Variants in ADAM33 observed in about 807,000 individuals in gnomAD.
ADAM33 encodes the protein disintegrin and metalloproteinase domain-containing protein 33.
ADAM33 carries 103 observed loss-of-function variants against 106.2 expected under a neutral mutation model. The observed-to-expected ratio is 0.97, with a 90% CI of 0.83 to 1.14. The LOEUF (loss-of-function observed/expected upper bound fraction) is 1.14, where lower values mean the gene tolerates loss of function less well. Ranked by LOEUF, ADAM33 falls within the 50% of genes most tolerant of loss-of-function variation. The pLI is 0.00. For synonymous variants in ADAM33, 483 were observed against 453.0 expected, an observed-to-expected ratio of 1.07 and a Z score of -0.84; for missense variants, 1,120 against 1,096.6, an observed-to-expected ratio of 1.02 and a Z score of -0.30.
chr20:3,673,690 G>A (rs2087727907), intron 9 of ADAM33, 32 bp from the exon 10 acceptor site: 1 of 1,359,026 alleles, frequency 7.4e-7, no homozygotes, highest in South Asian at 1.8e-5. Flanking sequence ...ACCAGGCGGG[G>A]CCGGGAGGTG....
Position 3,669,001 on chromosome 20 carries a change from C to T in ADAM33, c.2405-1G>A, listed in dbSNP as rs1259182249. The T allele has an allele frequency of 1.9e-6, 3 of 1,613,964 alleles. No homozygotes were observed. The highest frequency in any genetic ancestry group is 2.2e-5 in the East Asian group (1 of 44,856). ...GATCTTGGCATCTGGACTTGATCTG[C>T]TGAGAATGAGGAGGATATGTTGTCC... On this transcript the variant is annotated splice_acceptor_variant, in intron 21 of 21. Coordinates refer to ENST00000356518, the MANE Select transcript of ADAM33 (RefSeq NM_025220.5). LOFTEE classifies it high-confidence loss of function.
intron 14 of ADAM33, 28 bp downstream of exon 14, chr20:3,672,106 G>C: frequency 1.0e-5 from 16 of 1,596,794 alleles, no homozygotes; most frequent in Non-Finnish European, 1.4e-5. Flanking sequence ...ATGGGGGGCA[G>C]GGTGCAAGGG....
chr20:3,671,994 G>A lies in ADAM33; in HGVS notation c.1598-9C>T, dbSNP rs1405618204. 1 of 1,554,066 alleles carries A rather than the reference G, an allele frequency of 6.4e-7. No homozygotes were observed. Among genetic ancestry groups the A allele is most frequent in the Non-Finnish European group, 8.7e-7 (1 of 1,148,840 alleles). ...GGGAGCTGGGTGGGAGCCTGAGGAA[G>A]CATGGGCCAGGCTGGGGGCAGCTCG... On this transcript the variant is annotated splice_polypyrimidine_tract_variant and intron_variant, in intron 14 of 21. Coordinates refer to ENST00000356518, the MANE Select transcript of ADAM33 (RefSeq NM_025220.5).
intron 4 of ADAM33, 44 bp downstream of exon 4, chr20:3,674,983 G>C (rs749519057): frequency 1.2e-6 from 2 of 1,612,606 alleles, no homozygotes; most frequent in East Asian, 2.2e-5. Flanking sequence ...ATGGTGGGGG[G>C]GTACCTCTGG....
In ADAM33 at chr20:3,671,700, T is replaced by TA. The variant is rs1343210410; in HGVS notation, c.1785dup (p.Thr596TyrfsTer39). ...ACTTCCTGGCCATCTAGGTGAACGG[T>TA]AGAGTCCACTGGCACCATGTGCGGT... On this transcript the variant is annotated frameshift_variant, in exon 16 of 22. Transcript: ENST00000356518. LOFTEE classifies it high-confidence loss of function. 6.3e-7 allele frequency: 1 copy of TA among 1,587,248 alleles called. No homozygotes were observed. Among genetic ancestry groups the TA allele is most frequent in the South Asian group, 1.1e-5 (1 of 87,382 alleles).
Position 3,674,532 on chromosome 20 carries a change from G to C in ADAM33, c.572C>G (p.Thr191Ser). 2 of 1,613,584 alleles carry C rather than the reference G, an allele frequency of 1.2e-6. No homozygotes were observed. Among genetic ancestry groups the C allele is most frequent in the Non-Finnish European group, 1.7e-6 (2 of 1,179,962 alleles). ...HRDPGNKAGMTSLPGGPQSRG... is the reference protein window; with the variant it reads ...HRDPGNKAGMSSLPGGPQSRG... ...GCTCTGGGGACCACCAGGAAGGCTG[G>C]TCATGCCCGCTTTGTTCCCAGGATC... The change falls in exon 6 of 22, where the codon ACC (threonine) becomes AGC (serine). Residue 191 changes from threonine to serine, a missense_variant. Thr to Ser is a moderately conservative substitution (Grantham distance 58). Transcript: ENST00000356518.
At position 3,672,850 on chromosome 20, in the gene ADAM33, G is replaced by A. The variant is rs772788790; in HGVS notation, c.1182C>T (p.Arg394=). 2 of 1,576,354 alleles carry A rather than the reference G, an allele frequency of 1.3e-6. No homozygotes were observed. Among genetic ancestry groups the A allele is most frequent in the Non-Finnish European group, 1.7e-6 (2 of 1,169,332 alleles). Reference sequence around the variant, plus strand: ...CGCCGCCCCCCTTGCGGAAGAAGGCGCGCAGCTGGCGGCGGCTGCAGGCGC... The same window carrying A: ...CGCCGCCCCCCTTGCGGAAGAAGGCACGCAGCTGGCGGCGGCTGCAGGCGC... ...VFSACSRRQL[R]AFFRKGGGAC... Residue 394 remains arginine (R), a synonymous_variant, in exon 12 of 22, where the codon CGC becomes CGT. Coordinates refer to ENST00000356518, the MANE Select transcript of ADAM33 (RefSeq NM_025220.5).
chr20:3,679,993 C>A (rs549168305), intron 1 of ADAM33, among the ~76,000 whole-genome samples: 8 of 152,256 alleles, frequency 5.3e-5, no homozygotes, highest in South Asian at 4.1e-4. Flanking sequence ...TTGTGCCCCC[C>A]CCATCATCTG....
Position 3,673,617 on chromosome 20 carries a change from A to ACGGGCGCCAGGCCCACTGTGGCGCC in ADAM33, c.922_946dup (p.Val316GlyfsTer39). On this transcript the variant is annotated frameshift_variant, in exon 10 of 22. Transcript: ENST00000356518. LOFTEE classifies it high-confidence loss of function. ...GCTCTCGGCGCGGCACATGCCCTCG[A>ACGGGCGCCAGGCCCACTGTGGCGCC]CGGGCGCCAGGCCCACTGTGGCGCC... 1.1e-5 allele frequency: 15 copies of ACGGGCGCCAGGCCCACTGTGGCGCC among 1,359,674 alleles called. No homozygotes were observed. Among genetic ancestry groups the ACGGGCGCCAGGCCCACTGTGGCGCC allele is most frequent in the Non-Finnish European group, 1.3e-5 (14 of 1,063,720 alleles). 84.2% of individuals were successfully genotyped at this position (1,359,674 alleles called of 1,614,324 possible).
rs1382280519 is a variant in ADAM33 at position 3,669,572 on chromosome 20, G to A, written c.2306C>T (p.Thr769Ile). ...GGVHPMELGP[T>I]ATGQPWPLDP... ...CAGGGGCCAGGGCTGTCCAGTGGCT[G>A]TGGGGCCCAACTCCATGGGGTGAAC... Residue 769 changes from threonine (T) to isoleucine (I), a missense_variant, in exon 20 of 22, where the codon ACA (threonine) becomes ATA (isoleucine). Coordinates refer to ENST00000356518, the MANE Select transcript of ADAM33 (RefSeq NM_025220.5). 2.5e-6 allele frequency: 4 copies of A among 1,600,026 alleles called. No homozygotes were observed. Among genetic ancestry groups the A allele is most frequent in the Non-Finnish European group, 3.4e-6 (4 of 1,174,324 alleles).
In ADAM33 at chr20:3,675,057, C is replaced by A. The variant is rs2087851444; in HGVS notation, c.303G>T (p.Gly101=). The change falls in exon 4 of 22, where the codon GGG becomes GGT. Residue 101 remains glycine (G), a synonymous_variant. Coordinates refer to ENST00000356518, the MANE Select transcript of ADAM33 (RefSeq NM_025220.5). The surrounding 1 kb of genome is among the most constrained non-coding windows in gnomAD (Gnocchi z 4.1). ...GGTTGGGGGCCAGCACCACTGGCTG[C>A]CCATCTGGGCCGTAGTGGGTTTCTA... ...GYIETHYGPD[G]QPVVLAPNHT... is the part of the protein sequence containing the mutation. The A allele has an allele frequency of 6.2e-7, 1 of 1,613,392 alleles. No individual in the cohort carries two copies. The highest frequency in any genetic ancestry group is 1.1e-5 in the South Asian group (1 of 90,786).
intron 13 of ADAM33, 45 bp from the exon 14 acceptor site, chr20:3,672,374 G>C (rs767934313): frequency 6.3e-7 from 1 of 1,599,970 alleles, no homozygotes. Flanking sequence ...GAGGCCACGT[G>C]CAGTGAGAGG....
At chr20:3,677,528 G>A (rs2088080847) in intron 2 of ADAM33, among the ~76,000 whole-genome samples, 1 of 152,174 alleles carries the variant, frequency 6.6e-6, no homozygotes, top group African/African-American at 2.4e-5. Context: ...TGGGGGCATC[G>A]GGTAGCCATG....
In ADAM33 at chr20:3,668,948, T is replaced by C; in HGVS notation, c.*15A>G. 6.2e-7 allele frequency: 1 copy of C among 1,613,668 alleles called. No individual in the cohort carries two copies. Among genetic ancestry groups the C allele is most frequent in the South Asian group, 1.1e-5 (1 of 91,048 alleles). On this transcript the variant is annotated 3_prime_UTR_variant, in exon 22 of 22. Coordinates refer to ENST00000356518, the MANE Select transcript of ADAM33 (RefSeq NM_025220.5). The stretch of plus-strand genomic sequence containing the variant: ...GCCACCTGTCTTTAAATCTGTTCAT[T>C]TTAGGAGCTACCTCTCACCAGAGGC...
intron 19 of ADAM33, 97 bp from the exon 20 acceptor site, chr20:3,669,734 T>C (rs1169050957): frequency 8.8e-7 from 1 of 1,135,642 alleles, no homozygotes; most frequent in Non-Finnish European, 1.3e-6. Context: ...GAGTTCTGCG[T>C]TTACTGAGTT....
Position 3,671,084 on chromosome 20 carries a change from G to T in ADAM33, c.2162C>A (p.Ala721Asp). 6.3e-7 allele frequency: 1 copy of T among 1,584,658 alleles called. No individual in the cohort carries two copies. The highest frequency in any genetic ancestry group is 1.8e-5 in the Admixed American group (1 of 55,194). ...LLPLLPGAGL[A>D]WCCYRLPGAH... ...TCCTGGGAGTCGGTAGCAACACCAG[G>T]CCAGGCCGGCCCCTGGGAGCAGAGG... Residue 721 changes from alanine to aspartate, a missense_variant, in exon 19 of 22, where the codon GCC becomes GAC. Coordinates refer to ENST00000356518, the MANE Select transcript of ADAM33 (RefSeq NM_025220.5).
chr20:3,676,045 C>T (rs946111824), intron 3 of ADAM33, among the ~76,000 whole-genome samples: 28 of 152,166 alleles, frequency 1.8e-4, no homozygotes, highest in African/African-American at 6.3e-4. Flanking sequence ...TCCGACTCCA[C>T]GAGGGAGAAT....
intron 15 of ADAM33, 32 bp downstream of exon 15, chr20:3,671,845 T>G: frequency 1.3e-6 from 2 of 1,551,540 alleles, no homozygotes; most frequent in Non-Finnish European, 1.7e-6. Context: ...ACTCCATAGC[T>G]TCTGCTCCCT....
rs754661142 is a variant in ADAM33, at chr20:3,674,881, G to A, written c.334-32C>T. On this transcript the variant is annotated intron_variant, in intron 4 of 21. Transcript: ENST00000356518. ...AGGAAGGGGCCAGCCCCAAATCTCA[G>A]CCAGGGCTGGAGCAAGAGGGGCAAG... The A allele has an allele frequency of 2.5e-6, 4 of 1,608,462 alleles. No homozygotes were observed. The Admixed American group carries it at 6.7e-5, about 27-fold the overall frequency.
Sources: allele counts gnomAD v4.1 joint callset (sites outside exome capture counted in the v4.1 genomes callset), GRCh38; gene constraint gnomAD v4.1.1; non-coding constraint Gnocchi (gnomAD v3.1); transcripts MANE v1.5; gene names NCBI Gene and HGNC (gene_info 2026-07-23, HGNC 2026-07-21).